The following MAGI2 variants were observed in gnomAD, a reference collection of about 807,000 sequenced individuals.
MAGI2 encodes membrane-associated guanylate kinase, WW and PDZ domain-containing protein 2.
MAGI2 carries 35 observed loss-of-function variants against 133.3 expected under a neutral mutation model. That is an observed-to-expected ratio of 0.26 (90% CI 0.20 to 0.35). The LOEUF is 0.35. Ranked by LOEUF, MAGI2 falls within the 10% of genes least tolerant of loss-of-function variation. The pLI, the probability that MAGI2 is intolerant of heterozygous loss-of-function variation, is 1.00. For synonymous variants in MAGI2, 729 were observed against 710.6 expected, an observed-to-expected ratio of 1.03 and a Z score of -0.41; for missense variants, 1,636 against 1,863.4, an observed-to-expected ratio of 0.88 and a Z score of 2.25.
At chr7:78,200,560 C>T (rs551236503) in intron 11 of MAGI2, among the ~76,000 whole-genome samples, 8 of 152,066 alleles carry the variant, frequency 5.3e-5, no homozygotes, top group Admixed American at 2.6e-4. Flanking sequence ...CTTAAATATA[C>T]GTGTGTGTGT....
intron 4 of MAGI2, among the ~76,000 whole-genome samples, chr7:78,517,827 C>T (rs1185687346): frequency 6.6e-6 from 1 of 152,020 alleles, no homozygotes; most frequent in Non-Finnish European, 1.5e-5. Context: ...AAGGAAAGAA[C>T]ACTCAGTAAA....
rs1345749450 is a variant in MAGI2 at position 78,501,742 on chromosome 7, A to G, written c.800T>C (p.Met267Thr). 6.2e-7 allele frequency: 1 copy of G among 1,614,034 alleles called. No individual in the cohort carries two copies. Among genetic ancestry groups the G allele is most frequent in the East Asian group, 2.2e-5 (1 of 44,862 alleles). The change falls in exon 5 of 22, where the codon ATG becomes ACG. Residue 267 changes from methionine (M) to threonine (T), a missense_variant. Physicochemically the swap from Met to Thr is moderately conservative, Grantham distance 81 (BLOSUM62 -1). Transcript: ENST00000354212. Reference sequence around the variant, plus strand: ...TGGTGCAGGATAAGGCTGGGAGGGCATCTCCCCTGAGGCACCTGCACTTTT... The same window carrying G: ...TGGTGCAGGATAAGGCTGGGAGGGCGTCTCCCCTGAGGCACCTGCACTTTT... ...EDKSAGASGE[M>T]PSQPYPAPVY...
At chr7:78,951,754 C>G (rs1221055839) in intron 2 of MAGI2, among the ~76,000 whole-genome samples, 1 of 152,186 alleles carries the variant, frequency 6.6e-6, no homozygotes, top group Non-Finnish European at 1.5e-5. Flanking sequence ...TGACATTAAT[C>G]AGGTAGGCTT....
At chr7:79,099,323 TA>T (rs1204709065) in intron 1 of MAGI2, among the ~76,000 whole-genome samples, 1 of 151,864 alleles carries the variant, frequency 6.6e-6, no homozygotes, top group Non-Finnish European at 1.5e-5. Flanking sequence ...AGAAATGAAA[TA>T]AAAAACACCA....
chr7:78,485,188 G>C (rs561655817), intron 6 of MAGI2: 7 of 152,022 alleles, frequency 4.6e-5, no homozygotes, highest in African/African-American at 1.7e-4. Flanking sequence ...TGCATCCAAG[G>C]TATTTAGTGG....
intron 3 of MAGI2, among the ~76,000 whole-genome samples, chr7:78,566,406 A>G (rs1349409924): frequency 6.6e-6 from 1 of 152,154 alleles, no homozygotes; most frequent in Non-Finnish European, 1.5e-5. Flanking sequence ...AAGAAGAAAA[A>G]TGCTTGAAAA....
At chr7:78,369,276 T>A (rs982444164) in intron 6 of MAGI2, 63 bp from the exon 7 acceptor site, 2 of 1,172,316 alleles carry the variant, frequency 1.7e-6, no homozygotes. Flanking sequence ...AAAAGTAATA[T>A]AATTTAATTG....
chr7:79,039,595 G>A (rs1297262188), intron 1 of MAGI2, among the ~76,000 whole-genome samples: 1 of 151,496 alleles, frequency 6.6e-6, no homozygotes, highest in African/African-American at 2.4e-5. Context: ...GAGAAAATAT[G>A]TGCAAACTAT....
intron 2 of MAGI2, among the ~76,000 whole-genome samples, chr7:78,655,609 G>GTA (rs1812150476): frequency 6.6e-6 from 1 of 152,010 alleles, no homozygotes; most frequent in African/African-American, 2.4e-5. Flanking sequence ...CCCTTTCCAT[G>GTA]CACAGACTCC....
chr7:79,107,332 G>T (rs187395318), intron 1 of MAGI2, among the ~76,000 whole-genome samples: 33 of 152,264 alleles, frequency 2.2e-4, no homozygotes, highest in African/African-American at 7.9e-4. Context: ...CCAGCCAACA[G>T]CCAGCAAGGA....
At chr7:78,622,718 G>A (rs1807880511) in intron 3 of MAGI2, among the ~76,000 whole-genome samples, 1 of 152,024 alleles carries the variant, frequency 6.6e-6, no homozygotes, top group Non-Finnish European at 1.5e-5. Context: ...TAGTTCCTCA[G>A]CTGTAGTTAC....
In MAGI2 at chr7:78,695,565, A is replaced by T. The variant is rs1319516870; in HGVS notation, c.419-68326T>A. Among the ~76,000 whole-genome samples, 3 of 152,292 alleles carry T rather than the reference A, an allele frequency of 2.0e-5. No homozygotes were observed. The East Asian group carries it at 5.8e-4, about 29-fold the overall frequency. Reference sequence around the variant, plus strand: ...TAGTCATATTTTGGGGTTTCTAGACATTTCACCACTGGTCATCCTTCTATG... The same window carrying T: ...TAGTCATATTTTGGGGTTTCTAGACTTTTCACCACTGGTCATCCTTCTATG... On this transcript the variant is annotated intron_variant, in intron 2 of 21. Coordinates refer to ENST00000354212, the MANE Select transcript of MAGI2 (RefSeq NM_012301.4).
intron 1 of MAGI2, among the ~76,000 whole-genome samples, chr7:79,146,629 T>C (rs949216089): frequency 1.1e-4 from 16 of 152,216 alleles, no homozygotes; most frequent in Non-Finnish European, 7.3e-5. Context: ...CTAATGGTTT[T>C]ATAAATGGGA....
intron 20 of MAGI2, among the ~76,000 whole-genome samples, chr7:78,080,863 A>G (rs1019512435): frequency 6.6e-6 from 1 of 152,126 alleles, no homozygotes; most frequent in Non-Finnish European, 1.5e-5. Flanking sequence ...TGTTTTCTCA[A>G]CTTCTCTGCA....
chr7:79,069,198 G>A lies in MAGI2; in HGVS notation c.302-61992C>T, dbSNP rs190812455. On this transcript the variant is annotated intron_variant, in intron 1 of 21. Transcript: ENST00000354212. ...TGACCTGTCCAGTGTGGACAGTGGGGTGTTAAATTCTCCTACTAGTATTGT... is the reference window on the plus strand; with the variant it reads ...TGACCTGTCCAGTGTGGACAGTGGGATGTTAAATTCTCCTACTAGTATTGT... Among the ~76,000 whole-genome samples the A allele has an allele frequency of 3.9e-4, 59 of 152,160 alleles. 2 individuals carry two copies. In the East Asian group the frequency reaches 6.4e-3, roughly 16 times the overall value.
At chr7:78,583,797 A>G (rs934639306) in intron 3 of MAGI2, among the ~76,000 whole-genome samples, 3 of 152,192 alleles carry the variant, frequency 2.0e-5, no homozygotes, top group Admixed American at 2.0e-4. Flanking sequence ...ACTGAAGAGA[A>G]CAATCATGTA....
chr7:79,115,066 A>T (rs1253072556), intron 1 of MAGI2, among the ~76,000 whole-genome samples: 6 of 152,190 alleles, frequency 3.9e-5, no homozygotes, highest in Non-Finnish European at 7.3e-5. Flanking sequence ...GGGCAGCTCT[A>T]CTTTGAATCT....
rs117201128 is a variant in MAGI2 at position 78,745,028 on chromosome 7, C to G, written c.419-117789G>C. Among the ~76,000 whole-genome samples the G allele has an allele frequency of 6.9e-3, 1,048 of 152,240 alleles. 5 individuals are homozygous for G. Among genetic ancestry groups the G allele is most frequent in the Middle Eastern group, 0.037 (11 of 294 alleles). On this transcript the variant is annotated intron_variant, in intron 2 of 21. Coordinates refer to ENST00000354212, the MANE Select transcript of MAGI2 (RefSeq NM_012301.4). ...AACACGATTATTCAACGCTACAGCA[C>G]AGGACCAAGAGAACTTCTGCATTTT...
At chr7:79,170,289 C>T (rs1199909562) in intron 1 of MAGI2, among the ~76,000 whole-genome samples, 1 of 151,658 alleles carries the variant, frequency 6.6e-6, no homozygotes, top group Admixed American at 6.6e-5. Context: ...CTTCCTGCTT[C>T]AGCCTTCTGA....
Sources: gnomAD v4.1 joint callset for allele counts (sites outside exome capture counted in the v4.1 genomes callset) on GRCh38, gnomAD v4.1.1 for gene constraint, MANE v1.5 for transcripts, NCBI Gene and HGNC (gene_info 2026-07-23, HGNC 2026-07-21) for gene names.